Variants in LUZP2 observed in about 807,000 individuals in gnomAD.
LUZP2 encodes leucine zipper protein 2.
Under a neutral mutation model 51.6 loss-of-function variants are expected in LUZP2, and 52 were observed. The observed-to-expected ratio is 1.01, with a 90% CI of 0.81 to 1.27. The LOEUF is 1.27. LUZP2 is among the 50% of genes most tolerant of loss of function. The probability of loss-of-function intolerance (pLI) is 0.00; values close to 1 mark genes in which losing one functional copy is unlikely to be tolerated. For synonymous variants in LUZP2, 154 were observed against 137.3 expected (o/e 1.12, Z -0.85); for missense variants, 436 against 395.4 (o/e 1.10, Z -0.87).
intron 5 of LUZP2, among the ~76,000 whole-genome samples, chr11:24,862,702 A>T (rs915511128): frequency 6.6e-6 from 1 of 152,324 alleles, no homozygotes; most frequent in East Asian, 1.9e-4. Context: ...TTTAAGAAAT[A>T]AAGAGAAAAA....
chr11:24,994,641 C>T (rs532409762), intron 9 of LUZP2, among the ~76,000 whole-genome samples: 1 of 152,240 alleles, frequency 6.6e-6, no homozygotes, highest in East Asian at 1.9e-4. Flanking sequence ...TTGAGAATTA[C>T]CTGCTCAATT....
chr11:25,022,710 C>A (rs968076605), intron 9 of LUZP2, among the ~76,000 whole-genome samples: 1 of 152,008 alleles, frequency 6.6e-6, no homozygotes, highest in South Asian at 2.1e-4. Context: ...TAGTACTGGA[C>A]AGAGGCTTAC....
rs188025846 is a variant in LUZP2 at position 24,917,068 on chromosome 11, A to G, written c.522+2530A>G. 1.9e-3 allele frequency among the ~76,000 whole-genome samples: 295 copies of G among 152,110 alleles called. 1 individual carries two copies. The highest frequency in any genetic ancestry group is 6.8e-3 in the African/African-American group (283 of 41,484). On this transcript the variant is annotated intron_variant, in intron 7 of 11. Coordinates refer to ENST00000336930, the MANE Select transcript of LUZP2 (RefSeq NM_001009909.4). ...CTATCTCATTGTGGTTTTGATTTGC[A>G]TTTCTCTGATGGCCAGTGATGATGA... is the stretch of plus-strand genomic sequence containing the variant.
Position 24,957,219 on chromosome 11 carries a change from T to A in LUZP2, c.523-19372T>A, listed in dbSNP as rs536039050. Reference sequence around the variant, plus strand: ...TTCGCTTATTCTCTTTGATCCTAATTCTTTTTTAAATTGCAAATTGGCAAA... The same window carrying A: ...TTCGCTTATTCTCTTTGATCCTAATACTTTTTTAAATTGCAAATTGGCAAA... On this transcript the variant is annotated intron_variant, in intron 7 of 11. Transcript: ENST00000336930. Among the ~76,000 whole-genome samples the A allele has an allele frequency of 3.9e-5, 6 of 152,300 alleles. No homozygotes were observed. In the South Asian group the frequency reaches 1.2e-3, roughly 32 times the overall value.
At chr11:25,011,837 G>C (rs1856993242) in intron 9 of LUZP2, among the ~76,000 whole-genome samples, 1 of 151,606 alleles carries the variant, frequency 6.6e-6, no homozygotes, top group Non-Finnish European at 1.5e-5. Flanking sequence ...TATCTGTTGG[G>C]AATATTTCAA....
intron 5 of LUZP2, among the ~76,000 whole-genome samples, chr11:24,805,984 G>C (rs1227803971): frequency 2.6e-5 from 4 of 152,164 alleles, no homozygotes; most frequent in African/African-American, 9.7e-5. Context: ...TTGGCAGAAA[G>C]CCTGTTGCAA....
At chr11:25,005,662 A>T (rs183797382) in intron 9 of LUZP2, among the ~76,000 whole-genome samples, 19 of 152,158 alleles carry the variant, frequency 1.2e-4, no homozygotes, top group African/African-American at 4.6e-4. Flanking sequence ...TGGTCCCTGG[A>T]CCCTGCTGAT....
chr11:25,068,790 A>G (rs1318666339), intron 10 of LUZP2, among the ~76,000 whole-genome samples: 1 of 151,928 alleles, frequency 6.6e-6, no homozygotes, highest in Non-Finnish European at 1.5e-5. Flanking sequence ...GAGTTCTTGA[A>G]CCGTACCTAC....
intron 9 of LUZP2, 47 bp from the exon 10 acceptor site, chr11:25,049,991 T>G (rs752006767): frequency 9.0e-6 from 10 of 1,106,112 alleles, no homozygotes; most frequent in Admixed American, 2.3e-5. Context: ...CTATTTCTCT[T>G]GTATTTAGTG....
chr11:24,679,523 G>A (rs2133866023), intron 1 of LUZP2, among the ~76,000 whole-genome samples: 1 of 151,988 alleles, frequency 6.6e-6, no homozygotes, highest in East Asian at 1.9e-4. Flanking sequence ...TTCCTTTTTG[G>A]AGTTACACTT....
intron 5 of LUZP2, among the ~76,000 whole-genome samples, chr11:24,831,390 C>A (rs2631494): frequency 6.6e-6 from 1 of 151,990 alleles, no homozygotes; most frequent in African/African-American, 2.4e-5. Flanking sequence ...TTCTTGAAAA[C>A]GATTAGGGTC....
At chr11:24,709,612 G>A (rs1857739582) in intron 1 of LUZP2, among the ~76,000 whole-genome samples, 1 of 152,064 alleles carries the variant, frequency 6.6e-6, no homozygotes, top group Non-Finnish European at 1.5e-5. Context: ...AATTTTCCAG[G>A]AATAATTAGA....
intron 4 of LUZP2, among the ~76,000 whole-genome samples, chr11:24,743,854 A>C (rs1451153032): frequency 1.3e-5 from 2 of 152,044 alleles, no homozygotes; most frequent in Admixed American, 6.6e-5. Context: ...TATTACATTG[A>C]GGTATGTCCC....
intron 7 of LUZP2, among the ~76,000 whole-genome samples, chr11:24,918,238 G>C (rs565284963): frequency 3.3e-5 from 5 of 152,240 alleles, no homozygotes; most frequent in African/African-American, 9.6e-5. Context: ...ATTTTGCGCT[G>C]AGACGATGGG....
intron 10 of LUZP2, among the ~76,000 whole-genome samples, chr11:25,071,536 GAA>G (rs1249429535): frequency 6.6e-6 from 1 of 151,854 alleles, no homozygotes; most frequent in Non-Finnish European, 1.5e-5. Flanking sequence ...ACCTACATTT[GAA>G]AAGTCTTTCT....
intron 1 of LUZP2, among the ~76,000 whole-genome samples, chr11:24,625,680 C>A (rs922391354): frequency 6.6e-6 from 1 of 150,900 alleles, no homozygotes; most frequent in Admixed American, 6.6e-5. Flanking sequence ...AAGAAATATT[C>A]GTTTGAAAAA....
intron 1 of LUZP2, among the ~76,000 whole-genome samples, chr11:24,552,028 T>A (rs1013186884): frequency 1.6e-4 from 24 of 151,962 alleles, no homozygotes; most frequent in Non-Finnish European, 3.1e-4. Context: ...GTAATTCTTA[T>A]ATAAGCCCCT....
intron 5 of LUZP2, among the ~76,000 whole-genome samples, chr11:24,816,249 A>G (rs1850179982): frequency 6.6e-6 from 1 of 151,894 alleles, no homozygotes; most frequent in Non-Finnish European, 1.5e-5. Flanking sequence ...TTCCTCTGTA[A>G]TATGGCGACT....
At chr11:24,664,305 G>A (rs953749847) in intron 1 of LUZP2, among the ~76,000 whole-genome samples, 1 of 152,228 alleles carries the variant, frequency 6.6e-6, no homozygotes, top group Non-Finnish European at 1.5e-5. Context: ...TTTGAAAGAC[G>A]ATTTAGGGTA....
Sources: allele counts gnomAD v4.1 joint callset (sites outside exome capture counted in the v4.1 genomes callset), GRCh38; gene constraint gnomAD v4.1.1; transcripts MANE v1.5; gene names NCBI Gene and HGNC (gene_info 2026-07-23, HGNC 2026-07-21).